OFD1: variants seen among roughly 807,000 people sequenced by gnomAD.
The protein encoded by OFD1 is OFD1 centriole and centriolar satellite protein.
OFD1 carries 12 observed loss-of-function variants against 81.4 expected under a neutral mutation model. The ratio of observed to expected loss-of-function variants is 0.15; its 90% CI spans 0.09 to 0.24. The LOEUF is 0.24. Ranked by LOEUF, OFD1 falls within the 10% of genes least tolerant of loss-of-function variation. OFD1 has a pLI of 1.00. For synonymous variants in OFD1, 256 were observed against 263.7 expected (o/e 0.97, Z 0.28); for missense variants, 685 against 733.9 (o/e 0.93, Z 0.77).
At chrX:13,759,724 A>G (rs2047855104) in intron 15 of OFD1, among the ~76,000 whole-genome samples, 1 of 112,527 alleles carries the variant, frequency 8.9e-6, no homozygotes, top group African/African-American at 3.2e-5. Context: ...AGTCAACTGT[A>G]TGAATATTCA....
chrX:13,766,412 C>G (rs1261037486), intron 19 of OFD1, among the ~76,000 whole-genome samples: 1 of 111,574 alleles, frequency 9.0e-6, no homozygotes, highest in African/African-American at 3.3e-5. Flanking sequence ...AGAGCATGAT[C>G]GAAGGACCGG....
chrX:13,715,784 A>G, the OFD1 span: 5 of 905,550 alleles, frequency 5.5e-6, no homozygotes, highest in Middle Eastern at 4.0e-4. Flanking sequence ...TACCTTCACA[A>G]TCATCTAAAG....
At chrX:13,719,292 C>T in the OFD1 span, among the ~76,000 whole-genome samples, 1 of 110,715 alleles carries the variant, frequency 9.0e-6, no homozygotes, top group African/African-American at 3.3e-5. Context: ...AATATGTCCT[C>T]GAGCTAAGCT....
chrX:13,721,482 G>A, the OFD1 span: 1 of 111,854 alleles, frequency 8.9e-6, no homozygotes, highest in South Asian at 3.8e-4. Context: ...TTCTCAACAC[G>A]GAGTGGAAAT....
At chrX:13,749,774 T>A (rs1217806376) in intron 9 of OFD1, among the ~76,000 whole-genome samples, 1 of 112,336 alleles carries the variant, frequency 8.9e-6, no homozygotes, top group African/African-American at 3.2e-5. Context: ...CCAGACAGAT[T>A]ATTTGGAGAA....
Position 13,738,891 on chromosome X carries a change from A to G in OFD1, c.358A>G (p.Thr120Ala), listed in dbSNP as rs755625951. The G allele has an allele frequency of 1.0e-5, 12 of 1,192,054 alleles. No individual in the cohort carries two copies. In the East Asian group the frequency reaches 1.5e-4, roughly 15 times the overall value. Residue 120 changes from threonine (T) to alanine (A), a missense_variant, in exon 4 of 23, where the codon ACT becomes GCT. Physicochemically the swap from Thr to Ala is moderately conservative, Grantham distance 58. Around this residue, in one of 3 missense-constraint regions of OFD1, gnomAD observed 414 missense variants for 447.2 expected, o/e 0.93. Coordinates refer to ENST00000340096, the MANE Select transcript of OFD1 (RefSeq NM_003611.3). ...ATTACAACTCATTAAAATCAACCCT[A>G]CTTCCAGTCTCTACAAATCACTGGT... ...DLLQLIKINP[T>A]SSLYKSLVSG...
chrX:13,762,865 G>T (rs992210372), intron 18 of OFD1, among the ~76,000 whole-genome samples: 2 of 111,497 alleles, frequency 1.8e-5, no homozygotes, highest in African/African-American at 6.5e-5. Context: ...CCAGGTCCAA[G>T]TGATTCATCT....
At chrX:13,773,305 G>A (rs1452112614), downstream of OFD1, 4 of 192,295 alleles carry the variant, frequency 2.1e-5, no homozygotes, top group East Asian at 2.6e-4. Context: ...AAATACGAGA[G>A]GGTGCTTTTT....
the OFD1 span, among the ~76,000 whole-genome samples, chrX:13,725,119 G>A: frequency 3.4e-4 from 38 of 113,140 alleles, no homozygotes; most frequent in African/African-American, 1.2e-3. Context: ...GGCAGAGCCC[G>A]CTGCAGCTCA....
At chrX:13,722,368 A>G in the OFD1 span, 1 of 111,013 alleles carries the variant, frequency 9.0e-6, no homozygotes, top group Middle Eastern at 4.6e-3. Flanking sequence ...GAAGACAGAA[A>G]GGGAACTCAA....
chrX:13,733,916 T>C (rs994743967), upstream of OFD1: 10 of 463,104 alleles, frequency 2.2e-5, no homozygotes, highest in Non-Finnish European at 3.9e-5. Context: ...CTTTAAACTC[T>C]TTATCCAGTC....
rs1030412745 is a variant in OFD1, at chrX:13,736,385, G to A, written c.112-93G>A. 1.6e-5 allele frequency: 18 copies of A among 1,092,507 alleles called. No individual in the cohort carries two copies. The Admixed American group carries it at 4.1e-4, about 25-fold the overall frequency. 90.0% of individuals were successfully genotyped at this position (1,092,507 alleles called of 1,213,427 possible). A position where few individuals can be genotyped will look rare whatever the true frequency, so the allele number is the denominator to read the frequency against. ...AATAGAAGGAAGGTTTCCAATGAAT[G>A]TAGCTCATCTGTGTATATCTCTAAT... On this transcript the variant is annotated intron_variant, in intron 2 of 22. Transcript: ENST00000340096.
Position 13,760,467 on chromosome X carries a change from CCCA to C in OFD1, c.2011_2013del (p.Pro671del). 9.4e-6 allele frequency: 11 copies of C among 1,174,644 alleles called. No individual in the cohort carries two copies. Among genetic ancestry groups the C allele is most frequent in the Non-Finnish European group, 1.1e-5 (10 of 879,223 alleles). On this transcript the variant is annotated inframe_deletion, in exon 16 of 23. Coordinates refer to ENST00000340096, the MANE Select transcript of OFD1 (RefSeq NM_003611.3). ...CCAAAAGCCCACTAGCAGCAAAGAGCCCACCATCTCTGCACTTGCTGGAAGCCT... is the reference window on the plus strand; with the variant it reads ...CCAAAAGCCCACTAGCAGCAAAGAGCCCATCTCTGCACTTGCTGGAAGCCT...
the OFD1 span, chrX:13,715,902 A>G: frequency 9.4e-7 from 1 of 1,066,388 alleles, no homozygotes; most frequent in East Asian, 3.6e-5. Flanking sequence ...GCTAGTCTGA[A>G]AGGTAAACTG....
upstream of OFD1, among the ~76,000 whole-genome samples, chrX:13,731,665 G>A (rs1438690524): frequency 9.0e-6 from 1 of 111,519 alleles, no homozygotes; most frequent in Non-Finnish European, 1.9e-5. Flanking sequence ...GACCCAGAAA[G>A]CACTCATTAT....
At chrX:13,748,764 T>A (rs1234378569) in intron 8 of OFD1, among the ~76,000 whole-genome samples, 1 of 111,491 alleles carries the variant, frequency 9.0e-6, no homozygotes, top group East Asian at 2.8e-4. Context: ...TCAATTCTTT[T>A]GGAGTTTTAC....
chrX:13,725,280 G>A, the OFD1 span, among the ~76,000 whole-genome samples: 8 of 112,956 alleles, frequency 7.1e-5, no homozygotes, highest in South Asian at 3.6e-4. Flanking sequence ...CTCTGAGAAC[G>A]GACAGACTGC....
chrX:13,770,740 CTTT>C (rs1366141242), downstream of OFD1, among the ~76,000 whole-genome samples: 1 of 112,247 alleles, frequency 8.9e-6, no homozygotes, highest in Non-Finnish European at 1.9e-5. Context: ...GCTAGTGGCA[CTTT>C]TATGCCCAAT....
chrX:13,755,048 A>T (rs1472315610), intron 11 of OFD1, 103 bp from the exon 12 acceptor site: 1 of 589,248 alleles, frequency 1.7e-6, no homozygotes, highest in Admixed American at 2.3e-5. Flanking sequence ...TTGGATTGTG[A>T]AATAGTGGTC....
Sources: allele counts gnomAD v4.1 joint callset (sites outside exome capture counted in the v4.1 genomes callset), GRCh38; gene constraint gnomAD v4.1.1; regional missense constraint gnomAD v4.1.1; transcripts MANE v1.5; gene names NCBI Gene and HGNC (gene_info 2026-07-23, HGNC 2026-07-21).